The following ZNF518A variants were observed in gnomAD, a reference collection of about 807,000 sequenced individuals.
ZNF518A encodes the protein zinc finger protein 518.
ZNF518A carries 47 observed loss-of-function variants against 102.7 expected under a neutral mutation model. That is an observed-to-expected ratio of 0.46 (90% confidence interval 0.36 to 0.58). The LOEUF is 0.58. ZNF518A is among the 20% of genes least tolerant of loss of function. The pLI, the probability that ZNF518A is intolerant of heterozygous loss-of-function variation, is 0.00. For synonymous variants in ZNF518A, 652 were observed against 594.6 expected (o/e 1.10, Z -1.40); for missense variants, 1,793 against 1,699.8 (o/e 1.05, Z -0.96).
chr10:96,176,370 T>C (rs1368943805), intron 1 of ZNF518A, among the ~76,000 whole-genome samples: 1 of 152,068 alleles, frequency 6.6e-6, no homozygotes, highest in African/African-American at 2.4e-5. Context: ...TTTGAAGCAA[T>C]AATAACTGAA....
downstream of ZNF518A, chr10:96,204,355 A>G (rs112528856): frequency 1.2e-5 from 9 of 770,356 alleles, no homozygotes; most frequent in African/African-American, 5.2e-5. Flanking sequence ...AGGTCTCTGC[A>G]ACTCTACACA....
At chr10:96,195,792 T>C (rs2083450545) in intron 1 of ZNF518A, among the ~76,000 whole-genome samples, 1 of 152,216 alleles carries the variant, frequency 6.6e-6, no homozygotes, top group South Asian at 2.1e-4. Flanking sequence ...TGGTAAATTT[T>C]ATATGTGGTT....
At chr10:96,202,663 G>A (rs1477629661) in intron 1 of ZNF518A, among the ~76,000 whole-genome samples, 1 of 152,180 alleles carries the variant, frequency 6.6e-6, no homozygotes, top group Non-Finnish European at 1.5e-5. Flanking sequence ...CCAAAAGGAA[G>A]GATGTATTCT....
intron 3 of ZNF518A, among the ~76,000 whole-genome samples, chr10:96,146,865 GA>G (rs1256222003): frequency 6.6e-6 from 1 of 152,230 alleles, no homozygotes; most frequent in African/African-American, 2.4e-5. Flanking sequence ...GCTATACAGT[GA>G]AAAGGTAACA....
chr10:96,160,985 TCA>T lies in ZNF518A; in HGVS notation c.*214_*215del. The T allele has an allele frequency of 2.0e-6, 1 of 492,694 alleles. No individual in the cohort carries two copies. The highest frequency in any genetic ancestry group is 3.5e-6 in the Non-Finnish European group (1 of 288,648). 30.5% of individuals were successfully genotyped at this position (492,694 alleles called of 1,614,324 possible). Reference sequence around the variant, plus strand: ...ACTCAAAAGTTTTGAAAGAAACTAATCACAGCACAGAAGTACCTTGATTTAAT... The same window carrying T: ...ACTCAAAAGTTTTGAAAGAAACTAATCAGCACAGAAGTACCTTGATTTAAT... On this transcript the variant is annotated 3_prime_UTR_variant, in exon 6 of 6. Coordinates refer to ENST00000316045, the MANE Select transcript of ZNF518A (RefSeq NM_001330736.2).
At position 96,202,336 on chromosome 10, in the gene ZNF518A, C is replaced by T. The variant is rs115081596; in HGVS notation, n.36-1238C>T. Among the ~76,000 whole-genome samples, 788 of 152,138 alleles carry T rather than the reference C, an allele frequency of 5.2e-3. 4 individuals carry two copies. Among genetic ancestry groups the T allele is most frequent in the African/African-American group, 0.018 (751 of 41,490 alleles). On this transcript the variant is annotated intron_variant and non_coding_transcript_variant, in intron 1 of 2. Transcript: ENST00000442635. ...AACAGCAGAGTGGGGGAGGCCAGTT[C>T]GGTGTTCTTGCAGGAGATGACAGTG... is the stretch of plus-strand genomic sequence containing the variant.
Position 96,160,635 on chromosome 10 carries a change from A to C in ZNF518A, c.4313A>C (p.Lys1438Thr). ...AGCAAAAACAATTACCAGATTGTGA[A>C]GACTACCTCTGAAAATATTTTGAAG... ...KTSKNNYQIV[K>T]TTSENILKAK... The change falls in exon 6 of 6, where the codon AAG (lysine) becomes ACG (threonine). Residue 1438 changes from lysine (K) to threonine (T), a missense_variant. Physicochemically the swap from Lys to Thr is moderately conservative, Grantham distance 78. Coordinates refer to ENST00000316045, the MANE Select transcript of ZNF518A (RefSeq NM_001330736.2). The C allele has an allele frequency of 1.9e-6, 3 of 1,613,204 alleles. No individual in the cohort carries two copies. The highest frequency in any genetic ancestry group is 2.5e-6 in the Non-Finnish European group (3 of 1,179,512).
At chr10:96,148,569 T>G (rs1308549971) in intron 3 of ZNF518A, among the ~76,000 whole-genome samples, 1 of 147,568 alleles carries the variant, frequency 6.8e-6, no homozygotes, top group Non-Finnish European at 1.5e-5. Context: ...TCCTCTGGCC[T>G]GTCTGCTTGT....
intron 3 of ZNF518A, among the ~76,000 whole-genome samples, chr10:96,143,794 C>G (rs2082048101): frequency 6.6e-6 from 1 of 152,100 alleles, no homozygotes; most frequent in Admixed American, 6.6e-5. Context: ...ATTTGGTTTT[C>G]TGGTTTGTTT....
At chr10:96,202,170 T>C (rs951046514) in intron 1 of ZNF518A, among the ~76,000 whole-genome samples, 4 of 152,072 alleles carry the variant, frequency 2.6e-5, no homozygotes, top group East Asian at 3.9e-4. Context: ...TTATAGGACT[T>C]GGTGGACCCT....
At position 96,162,026 on chromosome 10, in the gene ZNF518A, C is replaced by G. The variant is rs782128750; in HGVS notation, c.*1252C>G. 2.4e-5 allele frequency: 4 copies of G among 166,860 alleles called. No individual in the cohort carries two copies. The highest frequency in any genetic ancestry group is 5.9e-5 in the Non-Finnish European group (4 of 68,000). 10.3% of individuals were successfully genotyped at this position (166,860 alleles called of 1,614,324 possible). ...AAGTTTGGATCAAATTTTGCTGGTT[C>G]TTTGGATAATGGAGTTCTTGTGTTA... is the stretch of plus-strand genomic sequence containing the variant. On this transcript the variant is annotated 3_prime_UTR_variant, in exon 6 of 6. Transcript: ENST00000316045.
chr10:96,166,982 A>G (rs1337094754), downstream of ZNF518A, among the ~76,000 whole-genome samples: 1 of 152,236 alleles, frequency 6.6e-6, no homozygotes, highest in Admixed American at 6.5e-5. Context: ...AGTCAAGCCA[A>G]GTCACTAAAG....
At chr10:96,175,542 AT>A (rs1464365367) in intron 1 of ZNF518A, among the ~76,000 whole-genome samples, 2 of 152,108 alleles carry the variant, frequency 1.3e-5, no homozygotes, top group African/African-American at 2.4e-5. Flanking sequence ...AGGAAGGAGG[AT>A]TGAGTTTAAG....
chr10:96,177,282 G>C (rs983862159), intron 1 of ZNF518A, among the ~76,000 whole-genome samples: 1 of 152,148 alleles, frequency 6.6e-6, no homozygotes, highest in Non-Finnish European at 1.5e-5. Flanking sequence ...AGAATTCTAT[G>C]TCTAGTGAAA....
At chr10:96,175,415 T>C (rs1157632235) in intron 1 of ZNF518A, among the ~76,000 whole-genome samples, 1 of 152,194 alleles carries the variant, frequency 6.6e-6, no homozygotes, top group Non-Finnish European at 1.5e-5. Flanking sequence ...CTTCCTGCTT[T>C]CTTGGACTAC....
At chr10:96,179,210 T>C (rs964771854) in intron 1 of ZNF518A, among the ~76,000 whole-genome samples, 2 of 152,036 alleles carry the variant, frequency 1.3e-5, no homozygotes, top group Non-Finnish European at 2.9e-5. Flanking sequence ...TTAAATAGGG[T>C]TTACTGCAGG....
In ZNF518A at chr10:96,159,475, C is replaced by T. The variant is rs782506257; in HGVS notation, c.3153C>T (p.Tyr1051=). The T allele has an allele frequency of 2.5e-6, 4 of 1,613,760 alleles. No homozygotes were observed. Among genetic ancestry groups the T allele is most frequent in the South Asian group, 2.2e-5 (2 of 91,070 alleles). The change falls in exon 6 of 6, where the codon TAC becomes TAT. Residue 1051 remains tyrosine, a synonymous_variant. Transcript: ENST00000316045. ...ATACTTTGCCATTAAAAGGCCCTTA[C>T]ATTTTGAAACCAACGAGTTCTGTGA... ...SENTLPLKGP[Y]ILKPTSSVKA...
At position 96,157,882 on chromosome 10, in the gene ZNF518A, A is replaced by C. The variant is rs782059541; in HGVS notation, c.1560A>C (p.Ile520=). Residue 520 remains isoleucine (I), a synonymous_variant, in exon 6 of 6, where the codon ATA becomes ATC. Coordinates refer to ENST00000316045, the MANE Select transcript of ZNF518A (RefSeq NM_001330736.2). ...AATPFSCSSS[I]LSGKASSEKE... Reference sequence around the variant, plus strand: ...CTCCATTTTCATGTTCATCTTCTATACTTTCAGGGAAAGCAAGTTCAGAAA... The same window carrying C: ...CTCCATTTTCATGTTCATCTTCTATCCTTTCAGGGAAAGCAAGTTCAGAAA... 1.2e-6 allele frequency: 2 copies of C among 1,613,918 alleles called. No homozygotes were observed. Among genetic ancestry groups the C allele is most frequent in the South Asian group, 2.2e-5 (2 of 91,088 alleles).
chr10:96,136,969 AAAG>A (rs1554874688), intron 3 of ZNF518A, among the ~76,000 whole-genome samples: 1 of 152,254 alleles, frequency 6.6e-6, no homozygotes, highest in African/African-American at 2.4e-5. Context: ...TTGTAACACA[AAAG>A]AAGCCATAGG....
Sources: gnomAD v4.1 joint callset for allele counts (sites outside exome capture counted in the v4.1 genomes callset) on GRCh38, gnomAD v4.1.1 for gene constraint, MANE v1.5 for transcripts, NCBI Gene and HGNC (gene_info 2026-07-23, HGNC 2026-07-21) for gene names.